The following CASK variants were observed in gnomAD, a reference collection of about 807,000 sequenced individuals.
CASK encodes the protein calcium/calmodulin dependent serine protein kinase, also known as peripheral plasma membrane protein CASK.
CASK carries 4 observed loss-of-function variants against 82.9 expected under a neutral mutation model. The ratio of observed to expected loss-of-function variants is 0.05; its 90% CI spans 0.02 to 0.11. CASK has a LOEUF of 0.11. Among genes scored for constraint, CASK ranks in the 10% least tolerant of loss-of-function variants. The pLI, the probability that CASK is intolerant of heterozygous loss-of-function variation, is 1.00. For missense variants in CASK, 358 were observed against 720.9 expected, an observed-to-expected ratio of 0.50 and a Z score of 5.76; for synonymous variants, 259 against 253.5, an observed-to-expected ratio of 1.02 and a Z score of -0.20.
chrX:41,843,982 T>C (rs1347142162), intron 2 of CASK, among the ~76,000 whole-genome samples: 1 of 112,017 alleles, frequency 8.9e-6, no homozygotes, highest in Non-Finnish European at 1.9e-5. Context: ...AATGCTGCTA[T>C]GAACATTCAT....
At chrX:41,837,521 C>T (rs1050988969) in intron 2 of CASK, among the ~76,000 whole-genome samples, 1 of 112,061 alleles carries the variant, frequency 8.9e-6, no homozygotes, top group African/African-American at 3.2e-5. Context: ...TGTCCCACAC[C>T]TGACAATCAC....
At chrX:41,540,492 C>T (rs1397181071) in intron 22 of CASK, among the ~76,000 whole-genome samples, 5 of 112,321 alleles carry the variant, frequency 4.5e-5, no homozygotes, top group African/African-American at 1.6e-4. Flanking sequence ...AACCTGAGAC[C>T]CACTGATCTT....
At chrX:41,590,309 A>C (rs188123694) in intron 12 of CASK, among the ~76,000 whole-genome samples, 2,713 of 109,969 alleles carry the variant, frequency 0.025, 92 homozygotes, top group African/African-American at 0.085. Context: ...GAGTTCAAGA[A>C]CAGCCTGACC....
intron 7 of CASK, among the ~76,000 whole-genome samples, 173 bp from the exon 8 acceptor site, chrX:41,660,734 G>C (rs1018030836): frequency 1.8e-5 from 2 of 112,051 alleles, no homozygotes; most frequent in African/African-American, 6.5e-5. Context: ...TTCTTCTGTT[G>C]TTCTTTACTA....
chrX:41,775,820 G>T (rs12401181), intron 3 of CASK, among the ~76,000 whole-genome samples: 2 of 87,872 alleles, frequency 2.3e-5, no homozygotes, highest in Admixed American at 1.3e-4. Flanking sequence ...TCACTCACAG[G>T]TGGGAATTGA....
intron 3 of CASK, among the ~76,000 whole-genome samples, chrX:41,773,066 C>A (rs2069276582): frequency 9.0e-6 from 1 of 111,170 alleles, no homozygotes. Flanking sequence ...TTCCCCAATT[C>A]ATTTTATGAG....
At chrX:41,667,382 T>C (rs1027652359) in intron 6 of CASK, among the ~76,000 whole-genome samples, 5 of 111,652 alleles carry the variant, frequency 4.5e-5, no homozygotes, top group African/African-American at 1.3e-4. Context: ...TTCTTGACTT[T>C]TAGGACTTTG....
At chrX:41,544,387 G>A (rs1281647811) in intron 21 of CASK, among the ~76,000 whole-genome samples, 2 of 109,967 alleles carry the variant, frequency 1.8e-5, no homozygotes, top group South Asian at 3.9e-4. Context: ...GCAACAGGGC[G>A]AAATCCCATC....
chrX:41,860,808 G>A (rs1167443424), intron 1 of CASK, among the ~76,000 whole-genome samples: 2 of 112,597 alleles, frequency 1.8e-5, no homozygotes, highest in African/African-American at 6.5e-5. Context: ...CACACACGGA[G>A]TGGAAAATTA....
chrX:41,814,686 CAT>C (rs1391909483), intron 2 of CASK, among the ~76,000 whole-genome samples: 1 of 109,405 alleles, frequency 9.1e-6, no homozygotes, highest in Non-Finnish European at 1.9e-5. Context: ...CACATGTATA[CAT>C]ATGTTACAAA....
intron 25 of CASK, among the ~76,000 whole-genome samples, chrX:41,527,188 G>A (rs759111226): frequency 2.7e-3 from 296 of 108,536 alleles, no homozygotes; most frequent in Non-Finnish European, 4.6e-3. Flanking sequence ...AGAGAGAGAC[G>A]GGGACAGAGA....
At chrX:41,629,442 G>A (rs1428026134) in intron 9 of CASK, among the ~76,000 whole-genome samples, 1 of 112,139 alleles carries the variant, frequency 8.9e-6, no homozygotes, top group Non-Finnish European at 1.9e-5. Context: ...GACTCATTTT[G>A]CAGACGAGAA....
chrX:41,753,148 T>C (rs1392150866), intron 3 of CASK, among the ~76,000 whole-genome samples: 1 of 112,329 alleles, frequency 8.9e-6, no homozygotes, highest in Non-Finnish European at 1.9e-5. Flanking sequence ...TATATGCATA[T>C]TTATGTATAA....
chrX:41,614,137 C>T (rs896431704), intron 11 of CASK, among the ~76,000 whole-genome samples: 1 of 111,742 alleles, frequency 8.9e-6, no homozygotes, highest in Non-Finnish European at 1.9e-5. Flanking sequence ...TTGATACAGT[C>T]GAGCTATAAA....
rs749155089 is a variant in CASK, at chrX:41,542,687, C to T, written c.2155+4G>A. ...GCCTCAGTAACAGTTGTGCTTTTCC[C>T]TACCTGCATTGTGCTTTGCCAAATA... On this transcript the variant is annotated splice_donor_region_variant and intron_variant, in intron 22 of 26. Transcript: ENST00000378163. 7.0e-6 allele frequency: 8 copies of T among 1,140,780 alleles called. No individual in the cohort carries two copies. Among genetic ancestry groups the T allele is most frequent in the Non-Finnish European group, 6.0e-6 (5 of 832,306 alleles). The allele number at this position is 1,140,780 out of a possible 1,213,427, so 94.0% of individuals were successfully genotyped here.
chrX:41,742,235 C>T (rs2068607254), intron 4 of CASK, among the ~76,000 whole-genome samples: 1 of 111,274 alleles, frequency 9.0e-6, no homozygotes, highest in South Asian at 3.8e-4. Context: ...AAGATATTTG[C>T]AATGCTCCCC....
intron 7 of CASK, among the ~76,000 whole-genome samples, chrX:41,661,004 G>T (rs1440133813): frequency 6.3e-5 from 7 of 111,841 alleles, no homozygotes; most frequent in Admixed American, 3.8e-4. Flanking sequence ...AGGATATTTT[G>T]GTCACTGCAT....
intron 2 of CASK, among the ~76,000 whole-genome samples, chrX:41,805,433 G>A (rs754907932): frequency 7.8e-4 from 87 of 111,650 alleles, no homozygotes; most frequent in Non-Finnish European, 1.0e-3. Flanking sequence ...TTCCTTCACC[G>A]CTTTTCAGCC....
chrX:41,900,707 CTTTTAAGATGATT>C (rs2072358449), intron 1 of CASK, among the ~76,000 whole-genome samples: 1 of 48,304 alleles, frequency 2.1e-5, no homozygotes, highest in Non-Finnish European at 3.9e-5. Flanking sequence ...CACTGAACTT[CTTTTAAGATGATT>C]ATTTGATTAT....
Sources: allele counts gnomAD v4.1 joint callset (sites outside exome capture counted in the v4.1 genomes callset), GRCh38; gene constraint gnomAD v4.1.1; transcripts MANE v1.5; gene names NCBI Gene and HGNC (gene_info 2026-07-23, HGNC 2026-07-21).